SPTLC2: variants seen among roughly 807,000 people sequenced by gnomAD.
SPTLC2 encodes serine palmitoyltransferase 2.
SPTLC2 carries 21 observed loss-of-function variants against 62.0 expected under a neutral mutation model. That is an observed-to-expected ratio of 0.34 (90% confidence interval 0.24 to 0.49). SPTLC2 has a LOEUF of 0.49. Among genes scored for constraint, SPTLC2 ranks in the 20% least tolerant of loss-of-function variants. The probability of loss-of-function intolerance (pLI) is 0.99; values close to 1 mark genes in which losing one functional copy is unlikely to be tolerated. For synonymous variants in SPTLC2, 261 were observed against 261.8 expected (o/e 1.00, Z 0.03); for missense variants, 511 against 713.0 (o/e 0.72, Z 3.23).
chr14:77,583,986 G>T (rs1205865007), intron 2 of SPTLC2, among the ~76,000 whole-genome samples: 1 of 152,144 alleles, frequency 6.6e-6, no homozygotes, highest in Non-Finnish European at 1.5e-5. Context: ...GCGACTAAAT[G>T]CTGGATCACT....
At chr14:77,589,705 G>A (rs144579308) in intron 2 of SPTLC2, among the ~76,000 whole-genome samples, 2,927 of 151,908 alleles carry the variant, frequency 0.019, 96 homozygotes, top group African/African-American at 0.065. Flanking sequence ...CAGAAGAATC[G>A]CTTAAGCCCG....
chr14:77,556,934 G>C (rs1199546084), intron 7 of SPTLC2, 107 bp downstream of exon 7: 3 of 865,170 alleles, frequency 3.5e-6, no homozygotes, highest in Non-Finnish European at 5.7e-6. Flanking sequence ...TATAAACACT[G>C]TCTCCTTAGT....
chr14:77,538,346 G>A (rs1004957899), intron 9 of SPTLC2, among the ~76,000 whole-genome samples: 3 of 152,134 alleles, frequency 2.0e-5, no homozygotes, highest in Admixed American at 6.5e-5. Context: ...ATCATAATGG[G>A]GATGGGATCC....
chr14:77,596,833 C>T (rs987833701), intron 2 of SPTLC2, among the ~76,000 whole-genome samples: 3 of 152,170 alleles, frequency 2.0e-5, no homozygotes, highest in Admixed American at 6.5e-5. Context: ...CTGGTATGAA[C>T]AGAAAGAGCA....
chr14:77,616,568 C>A lies in SPTLC2; in HGVS notation c.12G>T (p.Glu4Asp), dbSNP rs780139760. Residue 4 changes from glutamate (E) to aspartate (D), a missense_variant, in exon 1 of 12, where the codon GAG becomes GAT. Glu to Asp is a conservative substitution (Grantham distance 45, BLOSUM62 2). Transcript: ENST00000216484. ...TGCGGCGGCAGCAGCAGCCTCCGGG[C>A]TCCGGCCGCATCTTCCTGGCAGCAC... MRP[E>D]PGGCCCRRTV... is the part of the protein sequence containing the mutation. 2 of 1,537,908 alleles carry A rather than the reference C, an allele frequency of 1.3e-6. No homozygotes were observed. Among genetic ancestry groups the A allele is most frequent in the South Asian group, 1.2e-5 (1 of 84,284 alleles).
At chr14:77,598,131 A>AAT (rs949068296) in intron 1 of SPTLC2, among the ~76,000 whole-genome samples, 1 of 151,858 alleles carries the variant, frequency 6.6e-6, no homozygotes, top group Non-Finnish European at 1.5e-5. Context: ...TCAAAAAAAA[A>AAT]AAAAAAAAGA....
intron 1 of SPTLC2, among the ~76,000 whole-genome samples, chr14:77,614,297 A>G (rs2079953164): frequency 6.6e-6 from 1 of 152,218 alleles, no homozygotes; most frequent in Non-Finnish European, 1.5e-5. Flanking sequence ...ACTCATAGGG[A>G]TTGAAAGAAG....
chr14:77,574,133 A>C (rs2079700334), intron 4 of SPTLC2, among the ~76,000 whole-genome samples: 1 of 152,200 alleles, frequency 6.6e-6, no homozygotes, highest in Admixed American at 6.5e-5. Flanking sequence ...TGTTGTTTTA[A>C]GTCACTCTGT....
At chr14:77,580,913 A>G (rs1381535466) in intron 2 of SPTLC2, among the ~76,000 whole-genome samples, 1 of 152,258 alleles carries the variant, frequency 6.6e-6, no homozygotes, top group Non-Finnish European at 1.5e-5. Context: ...TCCTATGCTC[A>G]GGAACTTAAC....
chr14:77,561,381 G>A (rs371172624), intron 6 of SPTLC2, among the ~76,000 whole-genome samples: 36 of 152,160 alleles, frequency 2.4e-4, no homozygotes, highest in African/African-American at 8.2e-4. Context: ...AGGCCAAGGC[G>A]GGAGGATCAA....
intron 4 of SPTLC2, among the ~76,000 whole-genome samples, chr14:77,573,500 AAAATAAATAAATAAAT>A (rs71452862): frequency 2.7e-5 from 4 of 150,188 alleles, no homozygotes; most frequent in Middle Eastern, 3.2e-3. Flanking sequence ...AAAGATTTTA[AAAATAAATAAATAAAT>A]AAATAAATAA....
chr14:77,524,176 GCA>G (rs1433513848), intron 9 of SPTLC2, among the ~76,000 whole-genome samples: 1 of 152,134 alleles, frequency 6.6e-6, no homozygotes, highest in Non-Finnish European at 1.5e-5. Context: ...ACATGAGACT[GCA>G]CACTGTATGA....
rs900925752 is a variant in SPTLC2 at position 77,597,889 on chromosome 14, C to T, written c.133-509G>A. Among the ~76,000 whole-genome samples the T allele has an allele frequency of 4.0e-5, 6 of 150,952 alleles. No individual in the cohort carries two copies. The East Asian group carries it at 9.7e-4, about 25-fold the overall frequency. ...CTATAATCCCAGCACTTTGGGAGGC[C>T]GAGGCGGACGAATCACCTGAGGTTG... On this transcript the variant is annotated intron_variant, in intron 1 of 11. Transcript: ENST00000216484.
intron 1 of SPTLC2, among the ~76,000 whole-genome samples, chr14:77,606,373 CTGTGTGTGTGTGTG>C (rs59065946): frequency 1.3e-5 from 2 of 148,238 alleles, no homozygotes; most frequent in Admixed American, 6.7e-5. Flanking sequence ...AGGGAGGGGA[CTGTGTGTGTGTGTG>C]TGTGTGTGTG....
At chr14:77,552,400 C>G (rs2140017956) in intron 8 of SPTLC2, among the ~76,000 whole-genome samples, 178 bp from the exon 9 acceptor site, 1 of 152,308 alleles carries the variant, frequency 6.6e-6, no homozygotes, top group Non-Finnish European at 1.5e-5. Flanking sequence ...ACAACTGGGT[C>G]AGAAACATGG....
chr14:77,512,282 G>A lies in SPTLC2; in HGVS notation c.*2C>T, dbSNP rs770877756. The A allele has an allele frequency of 2.0e-5, 33 of 1,613,772 alleles. No homozygotes were observed. Among genetic ancestry groups the A allele is most frequent in the Admixed American group, 8.3e-5 (5 of 60,000 alleles). ...GTTCCTCTGAGGGAGCACCAAAAAG[G>A]CTCAGTCTTCTGTTTCTTCATACGT... On this transcript the variant is annotated 3_prime_UTR_variant, in exon 12 of 12. Coordinates refer to ENST00000216484, the MANE Select transcript of SPTLC2 (RefSeq NM_004863.4).
chr14:77,557,922 C>G (rs1467817915), intron 6 of SPTLC2, among the ~76,000 whole-genome samples: 2 of 151,974 alleles, frequency 1.3e-5, no homozygotes, highest in Non-Finnish European at 2.9e-5. Context: ...ACCATTGTTG[C>G]CACACTACAG....
At chr14:77,536,525 G>A (rs1052161608) in intron 9 of SPTLC2, among the ~76,000 whole-genome samples, 2 of 151,990 alleles carry the variant, frequency 1.3e-5, no homozygotes, top group African/African-American at 2.4e-5. Context: ...CACCTCTTAT[G>A]ACAATAAATG....
At chr14:77,546,367 G>A (rs2079527759) in intron 9 of SPTLC2, among the ~76,000 whole-genome samples, 1 of 152,148 alleles carries the variant, frequency 6.6e-6, no homozygotes, top group South Asian at 2.1e-4. Context: ...TAATTTACTA[G>A]AGTGACAGTA....
Sources: gnomAD v4.1 joint callset for allele counts (sites outside exome capture counted in the v4.1 genomes callset) on GRCh38, gnomAD v4.1.1 for gene constraint, MANE v1.5 for transcripts, NCBI Gene and HGNC (gene_info 2026-07-23, HGNC 2026-07-21) for gene names.